The following MECOM variants were observed in gnomAD, a reference collection of about 807,000 sequenced individuals.
MECOM encodes the protein MDS1 and EVI1 complex locus.
MECOM carries 13 observed loss-of-function variants against 116.3 expected under a neutral mutation model. The ratio of observed to expected loss-of-function variants is 0.11; its 90% confidence interval spans 0.07 to 0.18. The LOEUF (loss-of-function observed/expected upper bound fraction) is 0.18. Among genes scored for constraint, MECOM ranks in the 10% least tolerant of loss-of-function variants. The pLI is 1.00. For synonymous variants in MECOM, 528 were observed against 535.2 expected (o/e 0.99, Z 0.19); for missense variants, 1,299 against 1,509.0 (o/e 0.86, Z 2.31).
At chr3:169,274,005 G>T (rs1469857517) in intron 2 of MECOM, among the ~76,000 whole-genome samples, 3 of 146,494 alleles carry the variant, frequency 2.0e-5, no homozygotes, top group Non-Finnish European at 4.4e-5. Flanking sequence ...TCTGCCTCCC[G>T]GGTTCAAGTG....
At chr3:169,400,776 A>T (rs9814561) in intron 1 of MECOM, among the ~76,000 whole-genome samples, 9,213 of 152,220 alleles carry the variant, frequency 0.061, 624 homozygotes, top group African/African-American at 0.16. Context: ...GCTATTTAGG[A>T]TTTCCCACCT....
chr3:169,448,720 A>G (rs1745066410), intron 1 of MECOM, among the ~76,000 whole-genome samples: 1 of 152,188 alleles, frequency 6.6e-6, no homozygotes, highest in Admixed American at 6.5e-5. Flanking sequence ...AACACATTGC[A>G]TAATTCCAAT....
chr3:169,098,603 T>C (rs1722504682), intron 12 of MECOM, among the ~76,000 whole-genome samples: 1 of 152,232 alleles, frequency 6.6e-6, no homozygotes, highest in East Asian at 1.9e-4. Flanking sequence ...ACTTTTTCTC[T>C]TTCTAATTAA....
At chr3:169,291,140 C>T (rs1714475548) in intron 2 of MECOM, among the ~76,000 whole-genome samples, 2 of 152,098 alleles carry the variant, frequency 1.3e-5, no homozygotes, top group South Asian at 4.1e-4. Flanking sequence ...TCATATTATT[C>T]AAACTTTGGT....
chr3:169,268,247 C>T (rs894907983), intron 2 of MECOM, among the ~76,000 whole-genome samples: 5 of 152,144 alleles, frequency 3.3e-5, no homozygotes, highest in African/African-American at 1.2e-4. Flanking sequence ...TATTATCTCT[C>T]CTCCTCTAAT....
At chr3:169,278,043 C>T (rs1196712401) in intron 2 of MECOM, among the ~76,000 whole-genome samples, 2 of 152,212 alleles carry the variant, frequency 1.3e-5, no homozygotes, top group Non-Finnish European at 2.9e-5. Context: ...GTATCAAGCA[C>T]AATTCCTGAA....
At chr3:169,366,682 C>T (rs6444849) in intron 2 of MECOM, among the ~76,000 whole-genome samples, 36,823 of 151,758 alleles carry the variant, frequency 0.24, 5,054 homozygotes, top group Admixed American at 0.38. Context: ...TGAATTCTTA[C>T]CACAAGAATC....
chr3:169,311,693 T>TC (rs201137064), intron 2 of MECOM, among the ~76,000 whole-genome samples: 1 of 150,360 alleles, frequency 6.7e-6, no homozygotes, highest in African/African-American at 2.4e-5. Context: ...CTTTTTTTTT[T>TC]GTACTTTTGT....
At position 169,611,621 on chromosome 3, in the gene MECOM, C is replaced by T. The variant is rs190691201; in HGVS notation, c.37+51715G>A. On this transcript the variant is annotated intron_variant, in intron 1 of 16. Transcript: ENST00000651503. This position sits in a 1 kb window ranked among gnomAD's most constrained non-coding sequence, Gnocchi z 4.1. ...ATTGCTTTCCTTCTGACTTAAAGAG[C>T]GTTCCTATAACAGCTAATAATCTCT... 2.1e-3 allele frequency among the ~76,000 whole-genome samples: 326 copies of T among 152,282 alleles called. No individual in the cohort carries two copies. Among genetic ancestry groups the T allele is most frequent in the Non-Finnish European group, 3.2e-3 (216 of 68,018 alleles).
chr3:169,122,714 T>G lies in MECOM; in HGVS notation c.844A>C (p.Met282Leu). Residue 282 changes from methionine (M) to leucine (L), a missense_variant, in exon 6 of 17, where the codon ATG (methionine) becomes CTG (leucine). Around this residue, in one of 6 missense-constraint regions of MECOM, gnomAD observed 374 missense variants for 433.4 expected, o/e 0.86. Coordinates refer to ENST00000651503, the MANE Select transcript of MECOM (RefSeq NM_004991.4). ...FPDLQSLEKH[M>L]LSHTEEREYK... The stretch of plus-strand genomic sequence containing the variant: ...TCCCTCTCTTCAGTATGTGACAGCA[T>G]GTGTTTCTCCAGGCTGTTAAGAGAA... 1 of 1,613,852 alleles carries G rather than the reference T, an allele frequency of 6.2e-7. No homozygotes were observed. Among genetic ancestry groups the G allele is most frequent in the Non-Finnish European group, 8.5e-7 (1 of 1,179,774 alleles).
At chr3:169,353,849 T>C (rs1726806884) in intron 2 of MECOM, among the ~76,000 whole-genome samples, 1 of 151,824 alleles carries the variant, frequency 6.6e-6, no homozygotes, top group Non-Finnish European at 1.5e-5. Flanking sequence ...TAACTATAAA[T>C]TTCTTCTCAA....
intron 1 of MECOM, among the ~76,000 whole-genome samples, chr3:169,571,827 A>G (rs774040304): frequency 5.9e-5 from 9 of 152,222 alleles, no homozygotes; most frequent in Non-Finnish European, 1.2e-4. Context: ...TACACCTTAT[A>G]CAAAATTAAC....
chr3:169,505,260 C>T (rs1338980320), intron 1 of MECOM, among the ~76,000 whole-genome samples: 4 of 151,352 alleles, frequency 2.6e-5, no homozygotes. Flanking sequence ...AAAGTAGTTA[C>T]AATAAATTTA....
At chr3:169,539,341 G>T (rs1759781502) in intron 1 of MECOM, among the ~76,000 whole-genome samples, 1 of 151,978 alleles carries the variant, frequency 6.6e-6, no homozygotes, top group Non-Finnish European at 1.5e-5. Flanking sequence ...TTCCCCATAG[G>T]ACCTCAACTT....
chr3:169,378,452 G>GCGA (rs1491467574), intron 2 of MECOM, among the ~76,000 whole-genome samples: 1 of 64,554 alleles, frequency 1.5e-5, no homozygotes, highest in Non-Finnish European at 3.0e-5. Context: ...AAAGAAAGAA[G>GCGA]GAAAGCAAGC....
In MECOM at chr3:169,159,532, C is replaced by T. The variant is rs188913965; in HGVS notation, c.376-15700G>A. 8.2e-3 allele frequency among the ~76,000 whole-genome samples: 1,254 copies of T among 152,012 alleles called. 8 individuals are homozygous for T. Among genetic ancestry groups the T allele is most frequent in the South Asian group, 0.021 (101 of 4,800 alleles). On this transcript the variant is annotated intron_variant, in intron 2 of 16. Transcript: ENST00000651503. ...CAAGATCACGCCACTGCATCCAGCC[C>T]GGGCAACAGTGCGAGATTCCGTCTC...
At chr3:169,531,571 A>T (rs554687394) in intron 1 of MECOM, among the ~76,000 whole-genome samples, 7 of 152,156 alleles carry the variant, frequency 4.6e-5, no homozygotes, top group Non-Finnish European at 8.8e-5. Flanking sequence ...CATGGCCATC[A>T]AACTACAAAG....
chr3:169,116,804 T>G, intron 7 of MECOM, 65 bp from the exon 8 acceptor site: 1 of 1,505,692 alleles, frequency 6.6e-7, no homozygotes, highest in African/African-American at 1.4e-5. Flanking sequence ...TTAGCAAATA[T>G]CACAATTGGT....
intron 1 of MECOM, among the ~76,000 whole-genome samples, chr3:169,643,528 T>C (rs758378285): frequency 1.3e-5 from 2 of 152,212 alleles, no homozygotes; most frequent in Non-Finnish European, 2.9e-5. Flanking sequence ...AAAGTGTGAA[T>C]GAGCACAAAC....
Sources: allele counts gnomAD v4.1 joint callset (sites outside exome capture counted in the v4.1 genomes callset), GRCh38; gene constraint gnomAD v4.1.1; regional missense constraint gnomAD v4.1.1; non-coding constraint Gnocchi (gnomAD v3.1); transcripts MANE v1.5; gene names NCBI Gene and HGNC (gene_info 2026-07-23, HGNC 2026-07-21).